SFRP2: variants seen among roughly 807,000 people sequenced by gnomAD.
SFRP2 encodes secreted frizzled related protein 2.
In SFRP2, 16 loss-of-function variants were observed where a neutral mutation model predicts 26.0. The observed-to-expected ratio is 0.61, with a 90% CI of 0.42 to 0.93. The LOEUF is 0.93. Ranked by LOEUF, SFRP2 falls within the 40% of genes least tolerant of loss-of-function variation. The probability of loss-of-function intolerance (pLI) is 0.00; values close to 1 mark genes in which losing one functional copy is unlikely to be tolerated. For missense variants in SFRP2, 343 were observed against 392.4 expected, an observed-to-expected ratio of 0.87 and a Z score of 1.06; for synonymous variants, 173 against 167.3, an observed-to-expected ratio of 1.03 and a Z score of -0.26.
At chr4:153,783,474 C>A (rs1407258937) in intron 2 of SFRP2, among the ~76,000 whole-genome samples, 2 of 152,150 alleles carry the variant, frequency 1.3e-5, no homozygotes, top group East Asian at 1.9e-4. Context: ...GATTTTCTCC[C>A]TGGATTTTCA....
At chr4:153,784,110 C>T (rs1741163398) in intron 2 of SFRP2, among the ~76,000 whole-genome samples, 1 of 152,146 alleles carries the variant, frequency 6.6e-6, no homozygotes, top group Admixed American at 6.5e-5. Flanking sequence ...TTCCCAAAGC[C>T]AATTGTTATG....
At chr4:153,784,173 T>G (rs1295496640) in intron 2 of SFRP2, among the ~76,000 whole-genome samples, 1 of 152,226 alleles carries the variant, frequency 6.6e-6, no homozygotes, top group Non-Finnish European at 1.5e-5. Context: ...AGGATCTGTT[T>G]TATGTGCAGT....
chr4:153,785,882 G>A lies in SFRP2; in HGVS notation c.565C>T (p.Leu189Phe). Residue 189 changes from leucine (L) to phenylalanine (F), a missense_variant, in exon 2 of 3, where the codon CTT becomes TTT. Physicochemically the swap from Leu to Phe is conservative, Grantham distance 22. This residue lies in a region of SFRP2 where 92 missense variants were observed against 139.0 expected (regional missense o/e 0.66). Coordinates refer to ENST00000274063, the MANE Select transcript of SFRP2 (RefSeq NM_003013.3). ...NDDDNDIMETLCKNDFALKIK... is the reference protein window; with the variant it reads ...NDDDNDIMETFCKNDFALKIK... ...TACTTACCAAAATCATTTTTACAAA[G>A]CGTTTCCATTATGTCGTTGTCATCA... 1 of 1,597,200 alleles carries A rather than the reference G, an allele frequency of 6.3e-7. No homozygotes were observed. Among genetic ancestry groups the A allele is most frequent in the Non-Finnish European group, 8.5e-7 (1 of 1,171,912 alleles).
chr4:153,784,828 C>T (rs963098388), intron 2 of SFRP2, among the ~76,000 whole-genome samples: 4 of 152,130 alleles, frequency 2.6e-5, no homozygotes, highest in African/African-American at 4.8e-5. Context: ...TTAAAAGGTA[C>T]CAATAATTCC....
chr4:153,788,570 G>A lies in SFRP2; in HGVS notation c.266C>T (p.Pro89Leu). The A allele has an allele frequency of 3.7e-6, 6 of 1,614,178 alleles. No homozygotes were observed. Among genetic ancestry groups the A allele is most frequent in the South Asian group, 1.1e-5 (1 of 91,082 alleles). The change falls in exon 1 of 3, where the codon CCG becomes CTG. Residue 89 changes from proline to leucine, a missense_variant. By Grantham distance (98) the Pro-to-Leu change is moderately conservative. Around this residue, in one of 2 missense-constraint regions of SFRP2, gnomAD observed 251 missense variants for 253.3 expected, o/e 0.99. Coordinates refer to ENST00000274063, the MANE Select transcript of SFRP2 (RefSeq NM_003013.3). ...WIPLVMKQCHPDTKKFLCSLF... is the reference protein window; with the variant it reads ...WIPLVMKQCHLDTKKFLCSLF... Reference sequence around the variant, plus strand: ...CGAGCACAGGAACTTCTTGGTGTCCGGGTGGCACTGCTTCATGACCAGCGG... The same window carrying A: ...CGAGCACAGGAACTTCTTGGTGTCCAGGTGGCACTGCTTCATGACCAGCGG...
At chr4:153,788,269 G>T in intron 1 of SFRP2, 65 bp downstream of exon 1, 1 of 1,549,576 alleles carries the variant, frequency 6.5e-7, no homozygotes, top group South Asian at 1.2e-5. Context: ...ATGCGTGGCA[G>T]GGGCGGGATC....
At position 153,781,717 on chromosome 4, in the gene SFRP2, G is replaced by T. The variant is rs763381743; in HGVS notation, c.622C>A (p.Arg208=). The T allele has an allele frequency of 1.9e-6, 3 of 1,613,938 alleles. No homozygotes were observed. Among genetic ancestry groups the T allele is most frequent in the Admixed American group, 3.3e-5 (2 of 59,998 alleles). Reference sequence around the variant, plus strand: ...GTCTCCAGGATGATTTTGGTATCTCGGTTGATGTAGGTTATCTCCTTCACT... The same window carrying T: ...GTCTCCAGGATGATTTTGGTATCTCTGTTGATGTAGGTTATCTCCTTCACT... ...IKVKEITYIN[R]DTKIILETKS... The change falls in exon 3 of 3, where the codon CGA becomes AGA. Residue 208 remains arginine, a synonymous_variant. Transcript: ENST00000274063.
Position 153,788,518 on chromosome 4 carries a change from G to T in SFRP2, c.318C>A (p.Asp106Glu). ...GGCATGGCTGGATGGTCTCGTCTAGGTCATCGAGGCAGACGGGGGCGAAGA... is the reference window on the plus strand; with the variant it reads ...GGCATGGCTGGATGGTCTCGTCTAGTTCATCGAGGCAGACGGGGGCGAAGA... The part of the protein sequence containing the change: ...CSLFAPVCLD[D>E]LDETIQPCHS... Residue 106 changes from aspartate (D) to glutamate (E), a missense_variant, in exon 1 of 3, where the codon GAC becomes GAA. Transcript: ENST00000274063. 6.2e-7 allele frequency: 1 copy of T among 1,614,202 alleles called. No homozygotes were observed. The highest frequency in any genetic ancestry group is 8.5e-7 in the Non-Finnish European group (1 of 1,180,030).
At chr4:153,782,189 A>T (rs1741131696) in intron 2 of SFRP2, among the ~76,000 whole-genome samples, 1 of 152,166 alleles carries the variant, frequency 6.6e-6, no homozygotes, top group African/African-American at 2.4e-5. Flanking sequence ...AACTCAATTT[A>T]TTATGCAAGA....
rs777067149 is a variant in SFRP2 at position 153,788,876 on chromosome 4, G to A, written c.-41C>T. ...CCGAGGGGGCAGAGGGAGCGGAGCCGGGGAAGGGCGAGGCGGCCGGAGTTC... is the reference window on the plus strand; with the variant it reads ...CCGAGGGGGCAGAGGGAGCGGAGCCAGGGAAGGGCGAGGCGGCCGGAGTTC... On this transcript the variant is annotated 5_prime_UTR_variant, in exon 1 of 3. Coordinates refer to ENST00000274063, the MANE Select transcript of SFRP2 (RefSeq NM_003013.3). 1.1e-5 allele frequency: 16 copies of A among 1,513,136 alleles called. No homozygotes were observed. The highest frequency in any genetic ancestry group is 8.3e-5 in the African/African-American group (6 of 72,578). The allele number at this position is 1,513,136 out of a possible 1,614,324, so 93.7% of individuals were successfully genotyped here. A position where few individuals can be genotyped will look rare whatever the true frequency, so the allele number is the denominator to read the frequency against.
chr4:153,781,473 C>CTGCGGGAGA lies in SFRP2; in HGVS notation c.857_865dup (p.Ile286_Arg288dup). 1 of 1,613,390 alleles carries CTGCGGGAGA rather than the reference C, an allele frequency of 6.2e-7. No homozygotes were observed. The highest frequency in any genetic ancestry group is 8.5e-7 in the Non-Finnish European group (1 of 1,179,958). On this transcript the variant is annotated inframe_insertion, in exon 3 of 3. Transcript: ENST00000274063. Reference sequence around the variant, plus strand: ...GGACTAGCACTGCAGCTTGCGGATGCTGCGGGAGATGCGCTTGAACTCTCT... The same window carrying CTGCGGGAGA: ...GGACTAGCACTGCAGCTTGCGGATGCTGCGGGAGATGCGGGAGATGCGCTTGAACTCTCT...
intron 2 of SFRP2, among the ~76,000 whole-genome samples, chr4:153,783,743 T>A (rs1477970298): frequency 5.3e-5 from 8 of 152,204 alleles, no homozygotes; most frequent in Admixed American, 5.2e-4. Flanking sequence ...TAAATCAGAT[T>A]TCTATGCTTG....
At chr4:153,783,276 T>C (rs1741150716) in intron 2 of SFRP2, among the ~76,000 whole-genome samples, 1 of 152,212 alleles carries the variant, frequency 6.6e-6, no homozygotes, top group African/African-American at 2.4e-5. Context: ...GATTACACTT[T>C]ACCTGGGAGC....
Position 153,788,742 on chromosome 4 carries a change from C to G in SFRP2, c.94G>C (p.Asp32His). 1 of 1,613,174 alleles carries G rather than the reference C, an allele frequency of 6.2e-7. No homozygotes were observed. Among genetic ancestry groups the G allele is most frequent in the Non-Finnish European group, 8.5e-7 (1 of 1,180,024 alleles). ...ARGLFLFGQPDFSYKRSNCKP... is the reference protein window; with the variant it reads ...ARGLFLFGQPHFSYKRSNCKP... ...CAATTGCTGCGCTTGTAGGAGAAGT[C>G]GGGCTGGCCAAAGAGGAAGAGCCCG... Residue 32 changes from aspartate to histidine, a missense_variant, in exon 1 of 3, where the codon GAC (aspartate) becomes CAC (histidine). By Grantham distance (81) the Asp-to-His change is moderately conservative. Coordinates refer to ENST00000274063, the MANE Select transcript of SFRP2 (RefSeq NM_003013.3).
chr4:153,784,939 G>A (rs1741178287), intron 2 of SFRP2, among the ~76,000 whole-genome samples: 1 of 152,214 alleles, frequency 6.6e-6, no homozygotes, highest in South Asian at 2.1e-4. Flanking sequence ...CATTGATCCT[G>A]TGTCTAGCTG....
intron 1 of SFRP2, 106 bp from the exon 2 acceptor site, chr4:153,786,050 C>T (rs1428057121): frequency 5.3e-6 from 3 of 561,352 alleles, no homozygotes; most frequent in East Asian, 3.3e-5. Flanking sequence ...TAGCAATTGT[C>T]CTATTTAACC....
chr4:153,788,981 A>G lies in SFRP2; in HGVS notation c.-146T>C, dbSNP rs1741269455. 1.0e-6 allele frequency: 1 copy of G among 979,078 alleles called. No individual in the cohort carries two copies. Among genetic ancestry groups the G allele is most frequent in the Non-Finnish European group, 1.4e-6 (1 of 707,284 alleles). 60.6% of individuals were successfully genotyped at this position (979,078 alleles called of 1,614,324 possible). A position where few individuals can be genotyped will look rare whatever the true frequency, so the allele number is the denominator to read the frequency against. On this transcript the variant is annotated 5_prime_UTR_variant, in exon 1 of 3. Coordinates refer to ENST00000274063, the MANE Select transcript of SFRP2 (RefSeq NM_003013.3). ...CTGGCAGCCGGCGGCTGGGGCGCGG[A>G]GAAGCGGGACACCGGGAGGACAGCG...
At chr4:153,784,125 TC>T (rs1470619634) in intron 2 of SFRP2, among the ~76,000 whole-genome samples, 4 of 152,198 alleles carry the variant, frequency 2.6e-5, no homozygotes, top group Non-Finnish European at 4.4e-5. Flanking sequence ...GTTATGGAGC[TC>T]CACAGTGTAA....
intron 1 of SFRP2, among the ~76,000 whole-genome samples, chr4:153,787,672 G>T (rs1741232773): frequency 6.6e-6 from 1 of 152,230 alleles, no homozygotes; most frequent in Non-Finnish European, 1.5e-5. Flanking sequence ...ATAGAAAAGT[G>T]ATTTCCAGAG....
Sources: allele counts gnomAD v4.1 joint callset (sites outside exome capture counted in the v4.1 genomes callset), GRCh38; gene constraint gnomAD v4.1.1; regional missense constraint gnomAD v4.1.1; transcripts MANE v1.5; gene names NCBI Gene and HGNC (gene_info 2026-07-23, HGNC 2026-07-21).